MYZAP: variants seen among roughly 807,000 people sequenced by gnomAD.
MYZAP encodes the protein myocardial zonula adherens protein, also known as GRINL1A complex locus upstream.
In MYZAP, 66 loss-of-function variants were observed where a neutral mutation model predicts 69.4. The observed-to-expected ratio is 0.95, with a 90% CI of 0.78 to 1.17. The LOEUF (loss-of-function observed/expected upper bound fraction) is 1.17, where lower values mean the gene tolerates loss of function less well. Ranked by LOEUF, MYZAP falls within the 50% of genes most tolerant of loss-of-function variation. The probability of loss-of-function intolerance (pLI) is 0.00; values close to 1 mark genes in which losing one functional copy is unlikely to be tolerated. For synonymous variants in MYZAP, 256 were observed against 205.9 expected (o/e 1.24, Z -2.09); for missense variants, 611 against 556.2 (o/e 1.10, Z -0.99).
intron 10 of MYZAP, among the ~76,000 whole-genome samples, chr15:57,650,091 A>T (rs2037652425): frequency 6.6e-6 from 1 of 152,216 alleles, no homozygotes; most frequent in African/African-American, 2.4e-5. Flanking sequence ...TTTGTGTATC[A>T]TATGAATAGG....
intron 12 of MYZAP, among the ~76,000 whole-genome samples, chr15:57,676,564 T>C (rs1361439854): frequency 6.6e-6 from 1 of 151,692 alleles, no homozygotes; most frequent in Non-Finnish European, 1.5e-5. Context: ...AGAGACCTTT[T>C]TGAAATTTAA....
chr15:57,633,753 C>T lies in MYZAP; in HGVS notation c.933+12C>T, dbSNP rs372234545. 43 of 1,557,214 alleles carry T rather than the reference C, an allele frequency of 2.8e-5. No homozygotes were observed. Among genetic ancestry groups the T allele is most frequent in the African/African-American group, 6.8e-5 (5 of 73,122 alleles). Reference sequence around the variant, plus strand: ...AGCGCATGGAAAAGGTAGGACACAGCGTTGGGCCTATTGCCCACTTGCCCA... The same window carrying T: ...AGCGCATGGAAAAGGTAGGACACAGTGTTGGGCCTATTGCCCACTTGCCCA... On this transcript the variant is annotated intron_variant, in intron 8 of 12. Coordinates refer to ENST00000267853, the MANE Select transcript of MYZAP (RefSeq NM_001018100.5).
In MYZAP at chr15:57,639,457, AG is replaced by A. The variant is rs1193729410; in HGVS notation, c.1033del (p.Ala345HisfsTer12). 2 of 1,613,936 alleles carry A rather than the reference AG, an allele frequency of 1.2e-6. No homozygotes were observed. The highest frequency in any genetic ancestry group is 1.7e-6 in the Non-Finnish European group (2 of 1,179,940). On this transcript the variant is annotated frameshift_variant, in exon 10 of 13. Transcript: ENST00000267853. LOFTEE classifies it high-confidence loss of function. ...TGTGTTAGGTATCAGCAGTTGGAGG[AG>A]GCATCAGCCAGCCTCCGTGAGCGGA... ...SDKERYQQLE[E>X]ASASLRERIR...
Position 57,649,211 on chromosome 15 carries a change from G to A in MYZAP, c.1119+9666G>A, listed in dbSNP as rs74016380. ...ACATGTCTCCAGGCTTCTCTAACTA[G>A]GAAGTATACGTAAAGGAGGAATTGC... On this transcript the variant is annotated intron_variant, in intron 10 of 12. Coordinates refer to ENST00000267853, the MANE Select transcript of MYZAP (RefSeq NM_001018100.5). Among the ~76,000 whole-genome samples, 769 of 152,138 alleles carry A rather than the reference G, an allele frequency of 5.1e-3. 4 individuals are homozygous for A. The highest frequency in any genetic ancestry group is 0.018 in the African/African-American group (748 of 41,504).
intron 1 of MYZAP, among the ~76,000 whole-genome samples, chr15:57,603,086 TA>T (rs1166545108): frequency 1.4e-4 from 22 of 152,326 alleles, no homozygotes; most frequent in South Asian, 6.2e-4. Flanking sequence ...ATTTAGACTT[TA>T]AAAAATCATT....
At chr15:57,641,277 A>G (rs2037140734) in intron 10 of MYZAP, among the ~76,000 whole-genome samples, 1 of 152,206 alleles carries the variant, frequency 6.6e-6, no homozygotes, top group Non-Finnish European at 1.5e-5. Context: ...AGACATTTTC[A>G]AAGAAGTTTA....
chr15:57,649,664 A>G (rs1292443522), intron 10 of MYZAP, among the ~76,000 whole-genome samples: 1 of 152,070 alleles, frequency 6.6e-6, no homozygotes, highest in Non-Finnish European at 1.5e-5. Flanking sequence ...TTTGTTTGTG[A>G]TATCTTTTAT....
chr15:57,636,641 G>A (rs530007743), intron 8 of MYZAP, among the ~76,000 whole-genome samples: 1 of 152,290 alleles, frequency 6.6e-6, no homozygotes, highest in East Asian at 1.9e-4. Flanking sequence ...AAGGAAATTT[G>A]TTACACTAAC....
intron 2 of MYZAP, among the ~76,000 whole-genome samples, chr15:57,614,278 C>T (rs1202759272): frequency 1.3e-5 from 2 of 152,198 alleles, no homozygotes; most frequent in African/African-American, 2.4e-5. Flanking sequence ...ACTGTTAGAT[C>T]TGGGAATTAC....
intron 12 of MYZAP, among the ~76,000 whole-genome samples, chr15:57,681,371 GCT>G (rs1253370533): frequency 1.3e-5 from 2 of 152,220 alleles, no homozygotes; most frequent in African/African-American, 2.4e-5. Context: ...TGGGGTAATA[GCT>G]CTGTGGCTGG....
At position 57,676,276 on chromosome 15, in the gene MYZAP, C is replaced by G. The variant is rs147435970; in HGVS notation, c.1304+1208C>G. On this transcript the variant is annotated intron_variant, in intron 12 of 12. Transcript: ENST00000267853. ...TAATTAAAATGAATCACTTGCCATT[C>G]TCAAAGAATTTACCAAAAGCGGCAT... Among the ~76,000 whole-genome samples, 15 of 151,938 alleles carry G rather than the reference C, an allele frequency of 9.9e-5. 1 individual carries two copies. The East Asian group carries it at 2.9e-3, about 29-fold the overall frequency.
At chr15:57,658,690 G>T (rs2038127260) in intron 10 of MYZAP, among the ~76,000 whole-genome samples, 1 of 152,196 alleles carries the variant, frequency 6.6e-6, no homozygotes, top group Non-Finnish European at 1.5e-5. Flanking sequence ...GTTTCATCGT[G>T]TATCACTTCT....
intron 11 of MYZAP, among the ~76,000 whole-genome samples, chr15:57,668,660 C>T (rs1302434580): frequency 6.6e-6 from 1 of 152,094 alleles, no homozygotes; most frequent in Non-Finnish European, 1.5e-5. Context: ...AGAATCTTTT[C>T]ATATGCTTTT....
chr15:57,684,691 C>G lies in MYZAP; in HGVS notation c.*193C>G. The G allele has an allele frequency of 2.0e-6, 1 of 497,788 alleles. No homozygotes were observed. Among genetic ancestry groups the G allele is most frequent in the South Asian group, 3.2e-5 (1 of 31,548 alleles). 30.8% of individuals were successfully genotyped at this position (497,788 alleles called of 1,614,324 possible). On this transcript the variant is annotated 3_prime_UTR_variant, in exon 13 of 13. Coordinates refer to ENST00000267853, the MANE Select transcript of MYZAP (RefSeq NM_001018100.5). ...AGTGAGCAGGTAAGAGAGGGATATA[C>G]AAGGTCACATTTCAGACACCCACTC...
At chr15:57,635,912 G>A (rs1196044497) in intron 8 of MYZAP, among the ~76,000 whole-genome samples, 1 of 152,126 alleles carries the variant, frequency 6.6e-6, no homozygotes, top group African/African-American at 2.4e-5. Context: ...TTTCTGATCA[G>A]TAAAAATCTT....
At chr15:57,616,822 CTTTTTTT>C (rs763856721) in intron 2 of MYZAP, among the ~76,000 whole-genome samples, 3,857 of 50,016 alleles carry the variant, frequency 0.077, 124 homozygotes, top group Middle Eastern at 0.27. Flanking sequence ...AAAAAAAGTG[CTTTTTTT>C]TTTTTTTTTT....
At chr15:57,646,519 C>G in intron 10 of MYZAP, 2 of 1,024,670 alleles carry the variant, frequency 2.0e-6, no homozygotes, top group Non-Finnish European at 2.3e-6. Flanking sequence ...CAGAAAGATC[C>G]AGGTGGAGGC....
intron 1 of MYZAP, 98 bp downstream of exon 1, chr15:57,592,207 C>T: frequency 1.8e-6 from 2 of 1,087,032 alleles, no homozygotes; most frequent in Non-Finnish European, 2.3e-6. Context: ...GAGCCAGCAC[C>T]TGGCCCCGAC....
intron 10 of MYZAP, among the ~76,000 whole-genome samples, chr15:57,644,605 C>T (rs1335421273): frequency 6.6e-6 from 1 of 152,046 alleles, no homozygotes. Context: ...CACCCATGCC[C>T]AGCTAATTTT....
Sources: gnomAD v4.1 joint callset for allele counts (sites outside exome capture counted in the v4.1 genomes callset) on GRCh38, gnomAD v4.1.1 for gene constraint, MANE v1.5 for transcripts, NCBI Gene and HGNC (gene_info 2026-07-23, HGNC 2026-07-21) for gene names.